The following PLCZ1 variants were observed in gnomAD, a reference collection of about 807,000 sequenced individuals.
PLCZ1 encodes phospholipase C zeta 1.
In PLCZ1, 64 loss-of-function variants were observed where a neutral mutation model predicts 76.8. The observed-to-expected ratio is 0.83, with a 90% CI of 0.68 to 1.03. The LOEUF (loss-of-function observed/expected upper bound fraction) is 1.03, where lower values mean the gene tolerates loss of function less well. PLCZ1 is among the 50% of genes least tolerant of loss of function. The pLI is 0.00. For synonymous variants in PLCZ1, 248 were observed against 230.8 expected (o/e 1.07, Z -0.68); for missense variants, 751 against 713.7 (o/e 1.05, Z -0.60).
chr12:18,671,944 A>T, the PLCZ1 span, among the ~76,000 whole-genome samples: 6 of 152,258 alleles, frequency 3.9e-5, no homozygotes, highest in East Asian at 1.2e-3. Flanking sequence ...TAGAGTGGGC[A>T]TATAAGAGCC....
At chr12:18,663,738 G>T in the PLCZ1 span, among the ~76,000 whole-genome samples, 1 of 151,854 alleles carries the variant, frequency 6.6e-6, no homozygotes, top group East Asian at 1.9e-4. Context: ...GAAGAAAAAA[G>T]AAAGAAATTG....
intron 3 of PLCZ1, among the ~76,000 whole-genome samples, chr12:18,725,673 C>G (rs993150117): frequency 6.6e-6 from 1 of 152,126 alleles, no homozygotes; most frequent in African/African-American, 2.4e-5. Flanking sequence ...GATTTCTGCT[C>G]TTATCTTTTT....
At chr12:18,671,728 T>C in the PLCZ1 span, among the ~76,000 whole-genome samples, 1 of 148,586 alleles carries the variant, frequency 6.7e-6, no homozygotes, top group South Asian at 2.1e-4. Flanking sequence ...GAAATTTGAA[T>C]TTTTTTCCAA....
chr12:18,645,757 A>G, the PLCZ1 span, among the ~76,000 whole-genome samples: 1 of 152,196 alleles, frequency 6.6e-6, no homozygotes, highest in African/African-American at 2.4e-5. Context: ...CATTATACAA[A>G]TGAGAAAACA....
the PLCZ1 span, among the ~76,000 whole-genome samples, chr12:18,669,671 T>G: frequency 6.6e-6 from 1 of 151,944 alleles, no homozygotes; most frequent in Non-Finnish European, 1.5e-5. Context: ...CTCTCTTTTT[T>G]TTTTGAGACA....
intron 13 of PLCZ1, 25 bp downstream of exon 13, chr12:18,688,064 T>C (rs1953439618): frequency 6.2e-7 from 1 of 1,608,112 alleles, no homozygotes; most frequent in Non-Finnish European, 8.5e-7. Context: ...TAATGGAAAT[T>C]CAATAAGGTA....
chr12:18,731,906 T>C (rs1959068691), intron 3 of PLCZ1, among the ~76,000 whole-genome samples: 1 of 152,142 alleles, frequency 6.6e-6, no homozygotes, highest in Non-Finnish European at 1.5e-5. Flanking sequence ...TACTAGTTAT[T>C]CTTCAAACAA....
chr12:18,735,783 A>G (rs1269706997), intron 3 of PLCZ1: 1 of 152,538 alleles, frequency 6.6e-6, no homozygotes, highest in Non-Finnish European at 1.5e-5. Context: ...ATTTTATTTA[A>G]CTTTTCAAAA....
intron 5 of PLCZ1, among the ~76,000 whole-genome samples, chr12:18,718,625 T>G (rs1048914277): frequency 5.3e-5 from 8 of 152,132 alleles, no homozygotes; most frequent in Non-Finnish European, 1.2e-4. Flanking sequence ...TCATCACTCA[T>G]GCCACAACTA....
intron 6 of PLCZ1, among the ~76,000 whole-genome samples, chr12:18,706,046 G>C (rs1016599053): frequency 2.0e-5 from 3 of 152,060 alleles, no homozygotes; most frequent in African/African-American, 7.2e-5. Flanking sequence ...GGCCAACATG[G>C]CGAAACCCCA....
chr12:18,732,815 G>T (rs1959128624), intron 3 of PLCZ1, among the ~76,000 whole-genome samples: 2 of 152,022 alleles, frequency 1.3e-5, no homozygotes, highest in South Asian at 2.1e-4. Flanking sequence ...TATTTTTTCA[G>T]GATGAGTAAT....
intron 10 of PLCZ1, among the ~76,000 whole-genome samples, chr12:18,697,666 T>C (rs1391557369): frequency 6.6e-6 from 1 of 152,154 alleles, no homozygotes; most frequent in African/African-American, 2.4e-5. Flanking sequence ...CTCCTTCACA[T>C]ATATCTTCCC....
intron 13 of PLCZ1, among the ~76,000 whole-genome samples, chr12:18,687,408 AT>A: frequency 6.6e-6 from 1 of 152,136 alleles, no homozygotes; most frequent in African/African-American, 2.4e-5. Context: ...ATCAGTTCCA[AT>A]GTCTCCTTCA....
At chr12:18,711,178 T>C (rs1475391411) in intron 6 of PLCZ1, among the ~76,000 whole-genome samples, 1 of 151,596 alleles carries the variant, frequency 6.6e-6, no homozygotes, top group Non-Finnish European at 1.5e-5. Context: ...ATGGGGAACA[T>C]ATACACCATG....
the PLCZ1 span, among the ~76,000 whole-genome samples, chr12:18,661,957 A>G: frequency 2.0e-5 from 3 of 152,162 alleles, no homozygotes; most frequent in East Asian, 5.8e-4. Flanking sequence ...ACAAGATCAT[A>G]TCATTTGCAG....
downstream of PLCZ1, among the ~76,000 whole-genome samples, chr12:18,678,872 T>G (rs139231628): frequency 1.2e-3 from 190 of 152,166 alleles, 1 homozygote; most frequent in African/African-American, 4.4e-3. Flanking sequence ...CCAAAAAGCT[T>G]GAGTTATATG....
chr12:18,717,352 G>A (rs1480282644), intron 5 of PLCZ1, among the ~76,000 whole-genome samples: 2 of 152,026 alleles, frequency 1.3e-5, no homozygotes, highest in Admixed American at 6.5e-5. Flanking sequence ...GTGAATTTAT[G>A]TCTTTACTTA....
At chr12:18,655,424 A>G in the PLCZ1 span, among the ~76,000 whole-genome samples, 1 of 152,210 alleles carries the variant, frequency 6.6e-6, no homozygotes, top group Non-Finnish European at 1.5e-5. Context: ...ATAAATAAGT[A>G]GGGAGAAAGA....
intron 6 of PLCZ1, among the ~76,000 whole-genome samples, chr12:18,712,054 A>C (rs16914512): frequency 0.058 from 8,809 of 152,210 alleles, 660 homozygotes; most frequent in African/African-American, 0.17. Context: ...GGAGAACTTT[A>C]TTACATTTGT....
Sources: allele counts gnomAD v4.1 joint callset (sites outside exome capture counted in the v4.1 genomes callset), GRCh38; gene constraint gnomAD v4.1.1; transcripts MANE v1.5; gene names NCBI Gene and HGNC (gene_info 2026-07-23, HGNC 2026-07-21).